Variants in KLHL6 observed in about 807,000 individuals in gnomAD.
KLHL6 encodes kelch like family member 6.
Under a neutral mutation model 58.6 loss-of-function variants are expected in KLHL6, and 41 were observed. That is an observed-to-expected ratio of 0.70 (90% CI 0.55 to 0.91). The LOEUF is 0.91. Ranked by LOEUF, KLHL6 falls within the 40% of genes least tolerant of loss-of-function variation. The pLI is 0.00. For missense variants in KLHL6, 714 were observed against 805.6 expected (o/e 0.89, Z 1.38); for synonymous variants, 338 against 322.7 (o/e 1.05, Z -0.51).
At chr3:183,512,495 T>TC (rs1718216543) in intron 2 of KLHL6, among the ~76,000 whole-genome samples, 165 of 149,700 alleles carry the variant, frequency 1.1e-3, no homozygotes, top group African/African-American at 3.3e-3. Context: ...TACATTATGA[T>TC]ATTTTTTTTT....
chr3:183,500,390 C>T (rs73884508), intron 3 of KLHL6, among the ~76,000 whole-genome samples: 9,918 of 152,246 alleles, frequency 0.065, 1,116 homozygotes, highest in African/African-American at 0.23. Flanking sequence ...CAACATACAG[C>T]ATATGACCTT....
rs1181704404 is a variant in KLHL6, at chr3:183,487,954, C to T, written c.*3973G>A. The T allele has an allele frequency of 6.6e-6, 1 of 152,186 alleles. No homozygotes were observed. The highest frequency in any genetic ancestry group is 2.4e-5 in the African/African-American group (1 of 41,440). The allele number at this position is 152,186 out of a possible 1,614,324, so 9.4% of individuals were successfully genotyped here. On this transcript the variant is annotated 3_prime_UTR_variant, in exon 7 of 7. Transcript: ENST00000341319. ...AGAATAAAACAGGATAAGCAAATAACTCACAACAGTACCTCATAGTCTTCT... is the reference window on the plus strand; with the variant it reads ...AGAATAAAACAGGATAAGCAAATAATTCACAACAGTACCTCATAGTCTTCT...
At chr3:183,501,719 T>G (rs967013199) in intron 3 of KLHL6, among the ~76,000 whole-genome samples, 2 of 152,116 alleles carry the variant, frequency 1.3e-5, no homozygotes, top group Admixed American at 6.5e-5. Context: ...CTCCCCATAA[T>G]ATTCTATTCT....
At chr3:183,553,203 G>T (rs1177412099) in intron 1 of KLHL6, among the ~76,000 whole-genome samples, 1 of 152,164 alleles carries the variant, frequency 6.6e-6, no homozygotes, top group African/African-American at 2.4e-5. Flanking sequence ...TTTGGGAGAG[G>T]CTCTGTATAC....
intron 3 of KLHL6, among the ~76,000 whole-genome samples, chr3:183,502,232 G>A (rs145518213): frequency 1.1e-3 from 170 of 152,006 alleles, no homozygotes; most frequent in African/African-American, 4.0e-3. Flanking sequence ...AATCTAAGAG[G>A]CAGAGGGTGC....
chr3:183,542,880 A>ATGGG (rs1712597469), intron 1 of KLHL6, among the ~76,000 whole-genome samples: 1 of 151,678 alleles, frequency 6.6e-6, no homozygotes, highest in Non-Finnish European at 1.5e-5. Flanking sequence ...GGATGGATGG[A>ATGGG]TGGATGGATG....
At chr3:183,527,336 A>C (rs1332841917) in intron 2 of KLHL6, among the ~76,000 whole-genome samples, 1 of 152,254 alleles carries the variant, frequency 6.6e-6, no homozygotes, top group Non-Finnish European at 1.5e-5. Context: ...GACTAGCAGG[A>C]AAATATCTGA....
At chr3:183,513,520 A>T (rs1718247118) in intron 2 of KLHL6, among the ~76,000 whole-genome samples, 1 of 152,236 alleles carries the variant, frequency 6.6e-6, no homozygotes, top group African/African-American at 2.4e-5. Flanking sequence ...AGGAAGGACT[A>T]GCCAACAAGA....
intron 2 of KLHL6, among the ~76,000 whole-genome samples, chr3:183,517,804 G>A (rs1440420352): frequency 6.6e-6 from 1 of 152,204 alleles, no homozygotes; most frequent in Admixed American, 6.5e-5. Context: ...AATGAGGTAA[G>A]GACCAGGGAG....
chr3:183,490,101 A>G lies in KLHL6; in HGVS notation c.*1826T>C, dbSNP rs1227223536. 6.6e-6 allele frequency: 1 copy of G among 152,206 alleles called. No individual in the cohort carries two copies. Among genetic ancestry groups the G allele is most frequent in the African/African-American group, 2.4e-5 (1 of 41,440 alleles). The allele number at this position is 152,206 out of a possible 1,614,324, so 9.4% of individuals were successfully genotyped here. ...CCTGTTTCTCCAGCTTGGGGATTAG[A>G]ATGAATTTCCAGTGAGCTCATTTGA... On this transcript the variant is annotated 3_prime_UTR_variant, in exon 7 of 7. Transcript: ENST00000341319.
chr3:183,537,751 C>T (rs1246070361), intron 1 of KLHL6, among the ~76,000 whole-genome samples: 1 of 152,186 alleles, frequency 6.6e-6, no homozygotes, highest in African/African-American at 2.4e-5. Context: ...CAAACATCGC[C>T]TTCTCAGAGA....
chr3:183,506,609 C>A (rs1317583448), intron 3 of KLHL6, among the ~76,000 whole-genome samples: 2 of 152,082 alleles, frequency 1.3e-5, no homozygotes, highest in African/African-American at 4.8e-5. Context: ...GAGAAGATCA[C>A]TTAAGCTCAG....
Position 183,508,238 on chromosome 3 carries a change from G to T in KLHL6, c.730C>A (p.Arg244=). Residue 244 remains arginine (R), a synonymous_variant, in exon 3 of 7, where the codon CGG becomes AGG. Transcript: ENST00000341319. ...CAGAGTCGTTCTGATGGCTTGTGCC[G>T]GACCCAGCTCATCACGGTCTCAAAC... The part of the protein sequence containing the change: ...QVFETVMSWV[R]HKPSERLCLL... 1 of 1,614,120 alleles carries T rather than the reference G, an allele frequency of 6.2e-7. No individual in the cohort carries two copies. Among genetic ancestry groups the T allele is most frequent in the Non-Finnish European group, 8.5e-7 (1 of 1,180,018 alleles).
chr3:183,495,792 T>C (rs1393475913), intron 4 of KLHL6, among the ~76,000 whole-genome samples: 3 of 152,152 alleles, frequency 2.0e-5, no homozygotes, highest in African/African-American at 7.2e-5. Context: ...AGAAGGAGGC[T>C]TTCCTTATCA....
In KLHL6 at chr3:183,499,398, T is replaced by C. The variant is rs1717805662; in HGVS notation, c.1147+192A>G. On this transcript the variant is annotated intron_variant, in intron 4 of 6. Coordinates refer to ENST00000341319, the MANE Select transcript of KLHL6 (RefSeq NM_130446.4). The surrounding 1 kb of genome is among the most constrained non-coding windows in gnomAD (Gnocchi z 4.6). The stretch of plus-strand genomic sequence containing the variant: ...AAAAAATAGTACAATGTTGCTCAGT[T>C]TTTTGTTTATTAAGTAGCAATGTAC... Among the ~76,000 whole-genome samples the C allele has an allele frequency of 6.6e-6, 1 of 152,044 alleles. No individual in the cohort carries two copies. The highest frequency in any genetic ancestry group is 2.1e-4 in the South Asian group (1 of 4,812).
At chr3:183,513,031 T>C (rs772279970) in intron 2 of KLHL6, among the ~76,000 whole-genome samples, 63 of 152,178 alleles carry the variant, frequency 4.1e-4, no homozygotes, top group Non-Finnish European at 7.9e-4. Context: ...ATGTTAGCAG[T>C]GGTTATAGAT....
At chr3:183,500,005 T>A (rs922836912) in intron 3 of KLHL6, among the ~76,000 whole-genome samples, 178 bp from the exon 4 acceptor site, 14 of 152,180 alleles carry the variant, frequency 9.2e-5, no homozygotes, top group African/African-American at 3.4e-4. Flanking sequence ...GGTAACTACC[T>A]CATAGGTGTG....
At chr3:183,496,104 T>C (rs1460755696) in intron 4 of KLHL6, among the ~76,000 whole-genome samples, 1 of 152,086 alleles carries the variant, frequency 6.6e-6, no homozygotes, top group African/African-American at 2.4e-5. Context: ...TAGAATTGTA[T>C]AGGACAGAAA....
chr3:183,511,220 A>C (rs1718176977), intron 2 of KLHL6, among the ~76,000 whole-genome samples: 1 of 152,238 alleles, frequency 6.6e-6, no homozygotes, highest in Admixed American at 6.5e-5. Context: ...AATAAGTTCA[A>C]GGGGAGGTAC....
Sources: gnomAD v4.1 joint callset for allele counts (sites outside exome capture counted in the v4.1 genomes callset) on GRCh38, gnomAD v4.1.1 for gene constraint, Gnocchi (gnomAD v3.1) non-coding constraint, MANE v1.5 for transcripts, NCBI Gene and HGNC (gene_info 2026-07-23, HGNC 2026-07-21) for gene names.